The following UBE2Z variants were observed in gnomAD, a reference collection of about 807,000 sequenced individuals.
UBE2Z encodes ubiquitin-conjugating enzyme E2 Z.
In UBE2Z, 10 loss-of-function variants were observed where a neutral mutation model predicts 32.6. The observed-to-expected ratio is 0.31, with a 90% confidence interval of 0.19 to 0.52. The LOEUF (loss-of-function observed/expected upper bound fraction) is 0.52. Among genes scored for constraint, UBE2Z ranks in the 20% least tolerant of loss-of-function variants. The pLI is 0.97. For missense variants in UBE2Z, 343 were observed against 480.9 expected, an observed-to-expected ratio of 0.71 and a Z score of 2.68; for synonymous variants, 183 against 190.8, an observed-to-expected ratio of 0.96 and a Z score of 0.34.
intron 6 of UBE2Z, 186 bp downstream of exon 6, chr17:48,923,123 C>CA (rs1199987073): frequency 2.1e-6 from 1 of 477,350 alleles, no homozygotes; most frequent in African/African-American, 2.0e-5. Context: ...AAATTGAGAC[C>CA]ATCCTGGCTA....
intron 4 of UBE2Z, among the ~76,000 whole-genome samples, chr17:48,920,451 C>T (rs924803872): frequency 1.3e-5 from 2 of 151,980 alleles, no homozygotes; most frequent in Non-Finnish European, 2.9e-5. Context: ...GAGCTGAGAT[C>T]GTGCCATTGC....
At chr17:48,926,662 G>T (rs1290655181) in intron 6 of UBE2Z, among the ~76,000 whole-genome samples, 5 of 152,006 alleles carry the variant, frequency 3.3e-5, no homozygotes, top group Non-Finnish European at 7.4e-5. Flanking sequence ...TGCATTTTTA[G>T]TAGAGACAGG....
At chr17:48,925,859 G>A (rs957557) in intron 6 of UBE2Z, among the ~76,000 whole-genome samples, 1 of 152,022 alleles carries the variant, frequency 6.6e-6, no homozygotes, top group African/African-American at 2.4e-5. Flanking sequence ...ATCCCACTCA[G>A]GATGAGGGTA....
intron 3 of UBE2Z, among the ~76,000 whole-genome samples, chr17:48,914,371 A>G (rs746892202): frequency 2.1e-4 from 32 of 152,118 alleles, no homozygotes; most frequent in Non-Finnish European, 4.6e-4. Context: ...AAACTTAGAG[A>G]CATGATTCAT....
At chr17:48,919,225 C>A (rs2040742588) in intron 4 of UBE2Z, among the ~76,000 whole-genome samples, 2 of 152,038 alleles carry the variant, frequency 1.3e-5, no homozygotes, top group Admixed American at 6.6e-5. Context: ...ACCTTATGAT[C>A]CACCTGCCTC....
Position 48,916,108 on chromosome 17 carries a change from A to G in UBE2Z, c.611A>G (p.Gln204Arg). 1 of 1,589,872 alleles carries G rather than the reference A, an allele frequency of 6.3e-7. No individual in the cohort carries two copies. Among genetic ancestry groups the G allele is most frequent in the Non-Finnish European group, 8.5e-7 (1 of 1,170,868 alleles). ...ACTGGACCTGCCTGGAGCCCAGCCC[A>G]GAGCATCTCCTCAGTGCTCATCTCT... The part of the protein sequence containing the change: ...TWTGPAWSPA[Q>R]SISSVLISIQ... The change falls in exon 4 of 7, where the codon CAG becomes CGG. Residue 204 changes from glutamine to arginine, a missense_variant. Physicochemically the swap from Gln to Arg is conservative, Grantham distance 43. Transcript: ENST00000360943.
chr17:48,922,983 A>T (rs2040771458), intron 6 of UBE2Z, 46 bp downstream of exon 6: 2 of 1,536,564 alleles, frequency 1.3e-6, no homozygotes, highest in East Asian at 2.3e-5. Flanking sequence ...ACAGCTGGCC[A>T]TGTAAAAGCC....
chr17:48,917,806 G>C lies in UBE2Z; in HGVS notation c.690+1619G>C, dbSNP rs2040730917. Among the ~76,000 whole-genome samples, 2 of 152,112 alleles carry C rather than the reference G, an allele frequency of 1.3e-5. 1 individual carries two copies. The highest frequency in any genetic ancestry group is 4.8e-5 in the African/African-American group (2 of 41,404). On this transcript the variant is annotated intron_variant, in intron 4 of 6. Transcript: ENST00000360943. The stretch of plus-strand genomic sequence containing the variant: ...ACACACAGATCAGGATAGGACCCCA[G>C]ACTTACATTGGAGCCCAACTTCTCC...
intron 6 of UBE2Z, among the ~76,000 whole-genome samples, chr17:48,923,565 G>A (rs1363120443): frequency 2.6e-5 from 4 of 151,960 alleles, no homozygotes; most frequent in Admixed American, 6.6e-5. Context: ...CTGGGAGGCC[G>A]AGGTTGCAGT....
In UBE2Z at chr17:48,908,621, C is replaced by A; in HGVS notation, c.118C>A (p.Pro40Thr). ...CGGCAGCGGCGGCGGGTTCGGGCCG[C>A]CTTTCCTGCCGGATGTGTGGGCGGC... ...VSGSGGGFGPPFLPDVWAAAA... is the reference protein window; with the variant it reads ...VSGSGGGFGPTFLPDVWAAAA... Residue 40 changes from proline (P) to threonine (T), a missense_variant, in exon 1 of 7, where the codon CCT (proline) becomes ACT (threonine). Transcript: ENST00000360943. 1 of 1,234,702 alleles carries A rather than the reference C, an allele frequency of 8.1e-7. No homozygotes were observed. The highest frequency in any genetic ancestry group is 1.0e-6 in the Non-Finnish European group (1 of 986,710). 76.5% of individuals were successfully genotyped at this position (1,234,702 alleles called of 1,614,324 possible).
chr17:48,919,027 G>A (rs973659273), intron 4 of UBE2Z, among the ~76,000 whole-genome samples: 11 of 152,162 alleles, frequency 7.2e-5, no homozygotes, highest in African/African-American at 2.2e-4. Context: ...GATTACAGGT[G>A]TGAGCCACCA....
chr17:48,912,906 C>A lies in UBE2Z; in HGVS notation c.463C>A (p.Pro155Thr). The change falls in exon 3 of 7, where the codon CCG (proline) becomes ACG (threonine). Residue 155 changes from proline to threonine, a missense_variant. By Grantham distance (38) the Pro-to-Thr change is conservative (BLOSUM62 -1). Around this residue, in one of 4 missense-constraint regions of UBE2Z, gnomAD observed 182 missense variants for 312.4 expected, o/e 0.58. Transcript: ENST00000360943. ...TTTCTTCCTGTTCGTGTTTCGGTGT[C>A]CGCCCGACTATCCCATCCACCCACC... ...GGFFLFVFRCPPDYPIHPPRV... is the reference protein window; with the variant it reads ...GGFFLFVFRCTPDYPIHPPRV... 1 of 1,613,836 alleles carries A rather than the reference C, an allele frequency of 6.2e-7. No individual in the cohort carries two copies. Among genetic ancestry groups the A allele is most frequent in the Non-Finnish European group, 8.5e-7 (1 of 1,179,870 alleles).
intron 2 of UBE2Z, 34 bp from the exon 3 acceptor site, chr17:48,912,800 C>T (rs779588663): frequency 6.2e-7 from 1 of 1,611,000 alleles, no homozygotes; most frequent in East Asian, 2.2e-5. Flanking sequence ...TGGGTCATCA[C>T]CTCACAATTT....
chr17:48,920,242 C>T (rs1054921013), intron 4 of UBE2Z, among the ~76,000 whole-genome samples: 1 of 152,106 alleles, frequency 6.6e-6, no homozygotes, highest in African/African-American at 2.4e-5. Context: ...TGCCTGTAAT[C>T]CCAGCGCTTT....
intron 2 of UBE2Z, 156 bp from the exon 3 acceptor site, chr17:48,912,678 G>C (rs748918314): frequency 6.7e-6 from 5 of 741,084 alleles, no homozygotes; most frequent in Non-Finnish European, 1.1e-5. Context: ...ATTAGTATGA[G>C]TGAATACAGG....
At chr17:48,912,756 G>T in intron 2 of UBE2Z, 78 bp from the exon 3 acceptor site, 1 of 1,501,524 alleles carries the variant, frequency 6.7e-7, no homozygotes, top group Non-Finnish European at 9.2e-7. Context: ...TCTGGTGTGG[G>T]TAGTAGGTGG....
intron 3 of UBE2Z, among the ~76,000 whole-genome samples, chr17:48,915,228 A>G (rs903951423): frequency 2.0e-5 from 3 of 152,178 alleles, no homozygotes; most frequent in African/African-American, 7.2e-5. Context: ...AGATAGAGGC[A>G]CTTAAGAGCA....
At chr17:48,925,048 C>T (rs550498286) in intron 6 of UBE2Z, among the ~76,000 whole-genome samples, 11 of 149,902 alleles carry the variant, frequency 7.3e-5, no homozygotes, top group Non-Finnish European at 1.5e-4. Flanking sequence ...TTTGGTAGGC[C>T]GAGGCAGACA....
intron 6 of UBE2Z, among the ~76,000 whole-genome samples, chr17:48,924,045 C>T (rs1386315814): frequency 3.9e-5 from 6 of 152,130 alleles, no homozygotes; most frequent in East Asian, 1.9e-4. Flanking sequence ...TTAGTAGAGA[C>T]GGGGTTTCAC....
Sources: allele counts gnomAD v4.1 joint callset (sites outside exome capture counted in the v4.1 genomes callset), GRCh38; gene constraint gnomAD v4.1.1; regional missense constraint gnomAD v4.1.1; transcripts MANE v1.5; gene names NCBI Gene and HGNC (gene_info 2026-07-23, HGNC 2026-07-21).